The following TCF12 variants were observed in gnomAD, a reference collection of about 807,000 sequenced individuals.
TCF12 encodes transcription factor 12.
A neutral mutation model predicts 86.0 loss-of-function variants in TCF12; 45 were observed. That is an observed-to-expected ratio of 0.52 (90% CI 0.41 to 0.67). The LOEUF (loss-of-function observed/expected upper bound fraction) is 0.67, where lower values mean the gene tolerates loss of function less well. Ranked by LOEUF, TCF12 falls within the 30% of genes least tolerant of loss-of-function variation. The pLI, the probability that TCF12 is intolerant of heterozygous loss-of-function variation, is 0.00. For synonymous variants in TCF12, 330 were observed against 299.6 expected (o/e 1.10, Z -1.05); for missense variants, 881 against 859.9 (o/e 1.02, Z -0.31).
chr15:57,147,052 G>C (rs2053409341), intron 5 of TCF12, among the ~76,000 whole-genome samples: 1 of 152,154 alleles, frequency 6.6e-6, no homozygotes, highest in South Asian at 2.1e-4. Context: ...CTTGGAGCTG[G>C]AGAATGGATA....
At chr15:57,271,068 A>G (rs1478447112) in intron 18 of TCF12, among the ~76,000 whole-genome samples, 1 of 152,206 alleles carries the variant, frequency 6.6e-6, no homozygotes, top group Non-Finnish European at 1.5e-5. Flanking sequence ...CAGAGCTCGA[A>G]TGCCATGCTG....
chr15:57,208,093 G>A (rs1196128830), intron 8 of TCF12, among the ~76,000 whole-genome samples: 4 of 150,826 alleles, frequency 2.7e-5, no homozygotes, highest in Admixed American at 2.0e-4. Flanking sequence ...GAGTACAGTG[G>A]TGCGATCTTG....
At chr15:56,939,267 C>T (rs1447588438) in intron 3 of TCF12, among the ~76,000 whole-genome samples, 2 of 151,998 alleles carry the variant, frequency 1.3e-5, no homozygotes, top group Non-Finnish European at 2.9e-5. Context: ...ATTTTAAGGA[C>T]TCTTGGGTGG....
In TCF12 at chr15:57,219,797, C is replaced by T. The variant is rs143000035; in HGVS notation, c.580-11355C>T. Among the ~76,000 whole-genome samples, 2,505 of 148,116 alleles carry T rather than the reference C, an allele frequency of 0.017. 29 individuals carry two copies. The highest frequency in any genetic ancestry group is 0.026 in the Non-Finnish European group (1,732 of 67,438). ...ATGGAGTGCAGTGGCTCGATCTCGG[C>T]TCACTGCAACCTTCGCCTCCCGGGT... On this transcript the variant is annotated intron_variant, in intron 8 of 20. Coordinates refer to ENST00000333725, the MANE Select transcript of TCF12 (RefSeq NM_207037.2).
chr15:56,938,023 C>CT lies in TCF12; in HGVS notation c.148+16936dup, dbSNP rs1331780204. ...TTGGTCTGTAGTTTGCTTTTTTTTT[C>CT]TTTTTTTTTTTCGTTTCTTTTCTTT... is the stretch of plus-strand genomic sequence containing the variant. On this transcript the variant is annotated intron_variant, in intron 3 of 20. Transcript: ENST00000333725. 7.4e-3 allele frequency among the ~76,000 whole-genome samples: 326 copies of CT among 44,214 alleles called. 6 individuals are homozygous for CT. Among genetic ancestry groups the CT allele is most frequent in the African/African-American group, 0.03 (306 of 10,278 alleles). The allele number at this position is 44,214 out of a possible 152,430, so 29.0% of individuals were successfully genotyped here.
rs775754032 is a variant in TCF12, at chr15:57,253,453, T to C, written c.1452T>C (p.Ser484=). Residue 484 remains serine (S), a synonymous_variant, in exon 16 of 21, where the codon AGT becomes AGC. Transcript: ENST00000333725. ...GAGGATCAAGCCTTGTTGCAAGCAG[T>C]CGATCAGCTTCAATGGTAAAATCAT... ...NYGGSSLVAS[S]RSASMVGTHR... is the part of the protein sequence containing the mutation. 5.6e-6 allele frequency: 9 copies of C among 1,614,070 alleles called. No homozygotes were observed. The highest frequency in any genetic ancestry group is 7.6e-6 in the Non-Finnish European group (9 of 1,179,976).
chr15:57,073,841 T>C (rs1468820378), intron 4 of TCF12, among the ~76,000 whole-genome samples: 1 of 152,110 alleles, frequency 6.6e-6, no homozygotes, highest in Non-Finnish European at 1.5e-5. Flanking sequence ...CTCTGCCTCC[T>C]GGGTTCATGC....
At chr15:57,148,646 T>A (rs1442157747) in intron 5 of TCF12, among the ~76,000 whole-genome samples, 1 of 144,482 alleles carries the variant, frequency 6.9e-6, no homozygotes, top group East Asian at 2.0e-4. Flanking sequence ...CTTGGGAGGC[T>A]GAGGTGGGTG....
chr15:57,090,850 C>A (rs1409156340), intron 4 of TCF12, among the ~76,000 whole-genome samples: 2 of 152,074 alleles, frequency 1.3e-5, no homozygotes, highest in Non-Finnish European at 2.9e-5. Context: ...TAATAGAGTT[C>A]AAAGCCTTGT....
Position 57,176,524 on chromosome 15 carries a change from G to T in TCF12, c.390+10058G>T, listed in dbSNP as rs113400031. On this transcript the variant is annotated intron_variant, in intron 6 of 20. Coordinates refer to ENST00000333725, the MANE Select transcript of TCF12 (RefSeq NM_207037.2). The stretch of plus-strand genomic sequence containing the variant: ...TGACCCTATAAGCATAATTTCATTT[G>T]GTCCCCGCCATACTCAAGTGGTGAT... Among the ~76,000 whole-genome samples the T allele has an allele frequency of 1.4e-4, 22 of 152,222 alleles. 4 individuals are homozygous for T. Among genetic ancestry groups the T allele is most frequent in the African/African-American group, 5.3e-4 (22 of 41,526 alleles).
chr15:57,175,112 G>A (rs1381583086), intron 6 of TCF12, among the ~76,000 whole-genome samples: 1 of 152,204 alleles, frequency 6.6e-6, no homozygotes, highest in Non-Finnish European at 1.5e-5. Context: ...ATTCCAGGCT[G>A]AGGCAGGAGG....
rs11308647 is a variant in TCF12, at chr15:57,151,769, CAA to C, written c.326-14621_326-14620del. Among the ~76,000 whole-genome samples the C allele has an allele frequency of 2.3e-3, 326 of 143,124 alleles. 1 individual carries two copies. Among genetic ancestry groups the C allele is most frequent in the Middle Eastern group, 3.5e-3 (1 of 282 alleles). The allele number at this position is 143,124 out of a possible 152,430, so 93.9% of individuals were successfully genotyped here. On this transcript the variant is annotated intron_variant, in intron 5 of 20. Coordinates refer to ENST00000333725, the MANE Select transcript of TCF12 (RefSeq NM_207037.2). ...CCCTGGCGACAATGAGACTCTGTCTCAAAAAAAAAAAAAGCCTGATAAACTAC... is the reference window on the plus strand; with the variant it reads ...CCCTGGCGACAATGAGACTCTGTCTCAAAAAAAAAAAGCCTGATAAACTAC...
rs115250229 is a variant in TCF12 at position 56,940,897 on chromosome 15, C to T, written c.148+19799C>T. Among the ~76,000 whole-genome samples, 475 of 148,300 alleles carry T rather than the reference C, an allele frequency of 3.2e-3. 7 individuals carry two copies. The highest frequency in any genetic ancestry group is 0.011 in the African/African-American group (452 of 40,618). On this transcript the variant is annotated intron_variant, in intron 3 of 20. Coordinates refer to ENST00000333725, the MANE Select transcript of TCF12 (RefSeq NM_207037.2). ...CGGCCTCCTGAGGATAACAGGTGTG[C>T]GTGACCATGCCCAGCTGCTCTTTTT...
chr15:56,923,117 A>G (rs1270944785), intron 3 of TCF12, among the ~76,000 whole-genome samples: 1 of 152,038 alleles, frequency 6.6e-6, no homozygotes, highest in Non-Finnish European at 1.5e-5. Context: ...ACATTTATAA[A>G]AACTACATGC....
intron 8 of TCF12, among the ~76,000 whole-genome samples, chr15:57,212,945 T>C: frequency 6.6e-6 from 1 of 152,184 alleles, no homozygotes; most frequent in Non-Finnish European, 1.5e-5. Context: ...TTATATTACA[T>C]AGAATACTAA....
chr15:57,117,494 C>G (rs1472923288), intron 5 of TCF12, among the ~76,000 whole-genome samples: 7 of 152,164 alleles, frequency 4.6e-5, no homozygotes, highest in Non-Finnish European at 8.8e-5. Flanking sequence ...ATGAGCAAAA[C>G]TTCTTTGTTA....
chr15:57,197,460 A>G (rs544866990), intron 7 of TCF12, among the ~76,000 whole-genome samples: 3 of 152,278 alleles, frequency 2.0e-5, no homozygotes, highest in African/African-American at 7.2e-5. Flanking sequence ...ATCCGGCCGA[A>G]CAGTTTCTTA....
At position 57,227,144 on chromosome 15, in the gene TCF12, A is replaced by G. The variant is rs1047660106; in HGVS notation, c.580-4008A>G. The stretch of plus-strand genomic sequence containing the variant: ...TAGATCTGATTTTTAAAGTATGGAT[A>G]ATCACACCATGCTTTAACTTTGTCT... On this transcript the variant is annotated intron_variant, in intron 8 of 20. Transcript: ENST00000333725. 3.3e-5 allele frequency among the ~76,000 whole-genome samples: 5 copies of G among 152,290 alleles called. No homozygotes were observed. The East Asian group carries it at 7.7e-4, about 23-fold the overall frequency.
intron 5 of TCF12, among the ~76,000 whole-genome samples, chr15:57,144,227 A>G (rs2151422917): frequency 6.6e-6 from 1 of 152,254 alleles, no homozygotes; most frequent in East Asian, 1.9e-4. Flanking sequence ...AGGAATCTAA[A>G]CTGAGATGGT....
Sources: gnomAD v4.1 joint callset for allele counts (sites outside exome capture counted in the v4.1 genomes callset) on GRCh38, gnomAD v4.1.1 for gene constraint, MANE v1.5 for transcripts, NCBI Gene and HGNC (gene_info 2026-07-23, HGNC 2026-07-21) for gene names.